The following RBMS3 variants were observed in gnomAD, a reference collection of about 807,000 sequenced individuals.
RBMS3 encodes RNA binding motif single stranded interacting protein 3.
RBMS3 carries 27 observed loss-of-function variants against 66.8 expected under a neutral mutation model. The ratio of observed to expected loss-of-function variants is 0.40; its 90% CI spans 0.30 to 0.56. RBMS3 has a LOEUF of 0.56. RBMS3 is among the 20% of genes least tolerant of loss of function. The pLI, the probability that RBMS3 is intolerant of heterozygous loss-of-function variation, is 0.40. For missense variants in RBMS3, 513 were observed against 549.5 expected (o/e 0.93, Z 0.66); for synonymous variants, 188 against 183.0 (o/e 1.03, Z -0.22).
At chr3:29,324,761 T>C (rs1174478451) in intron 1 of RBMS3, among the ~76,000 whole-genome samples, 1 of 152,128 alleles carries the variant, frequency 6.6e-6, no homozygotes, top group Non-Finnish European at 1.5e-5. Flanking sequence ...CTCTCCTTTT[T>C]CTTTTTCTCT....
At chr3:29,285,157 A>G (rs1419284909) in intron 1 of RBMS3, among the ~76,000 whole-genome samples, 2 of 149,536 alleles carry the variant, frequency 1.3e-5, no homozygotes, top group African/African-American at 4.9e-5. Context: ...CTTTCCAAAA[A>G]AAAAACAACC....
intron 12 of RBMS3, among the ~76,000 whole-genome samples, chr3:29,981,494 CCTTGT>C (rs1374154682): frequency 9.9e-5 from 15 of 152,120 alleles, no homozygotes; most frequent in African/African-American, 3.6e-4. Context: ...GAGAGGGCAT[CCTTGT>C]CTTGTGCTTG....
chr3:29,913,139 GGT>G (rs1222230188), intron 10 of RBMS3, among the ~76,000 whole-genome samples: 2 of 152,074 alleles, frequency 1.3e-5, no homozygotes, highest in East Asian at 3.9e-4. Flanking sequence ...AGATGAATCA[GGT>G]GTAAAATGTA....
At chr3:29,966,289 A>G (rs1315939338) in intron 12 of RBMS3, among the ~76,000 whole-genome samples, 2 of 152,144 alleles carry the variant, frequency 1.3e-5, no homozygotes, top group Non-Finnish European at 2.9e-5. Context: ...GTGGAATTTG[A>G]ATACTGCTTT....
chr3:29,863,223 G>C (rs116777115), intron 6 of RBMS3, among the ~76,000 whole-genome samples: 4,136 of 150,856 alleles, frequency 0.027, 73 homozygotes, highest in Non-Finnish European at 0.041. Context: ...GTTGTGGGGT[G>C]GGGGGAGAGG....
intron 12 of RBMS3, among the ~76,000 whole-genome samples, chr3:29,960,442 C>T (rs1471346347): frequency 2.6e-5 from 4 of 152,142 alleles, no homozygotes; most frequent in Non-Finnish European, 5.9e-5. Context: ...TTTCCAGGTA[C>T]ACAGTGCAAG....
intron 3 of RBMS3, among the ~76,000 whole-genome samples, chr3:29,536,160 A>T (rs919985733): frequency 6.6e-6 from 1 of 152,152 alleles, no homozygotes; most frequent in African/African-American, 2.4e-5. Flanking sequence ...TAAGTAAAAA[A>T]TGTCTGGGAA....
chr3:29,616,576 C>T (rs2048681969), intron 4 of RBMS3: 1 of 152,340 alleles, frequency 6.6e-6, no homozygotes, highest in Admixed American at 6.6e-5. Flanking sequence ...GTGGATATTT[C>T]TGTCACCCCC....
intron 13 of RBMS3, among the ~76,000 whole-genome samples, chr3:29,990,418 G>T (rs1354779460): frequency 1.5e-5 from 2 of 134,866 alleles, no homozygotes; most frequent in Non-Finnish European, 3.1e-5. Flanking sequence ...TCCTGATTGT[G>T]ACCAATTCCG....
chr3:29,426,162 C>T (rs985462762), intron 1 of RBMS3, among the ~76,000 whole-genome samples: 1 of 152,052 alleles, frequency 6.6e-6, no homozygotes, highest in Non-Finnish European at 1.5e-5. Context: ...ACTGCAATGT[C>T]TGAAGTATAT....
chr3:29,361,994 C>T (rs2037621960), intron 1 of RBMS3, among the ~76,000 whole-genome samples: 1 of 152,188 alleles, frequency 6.6e-6, no homozygotes, highest in South Asian at 2.1e-4. Flanking sequence ...TGGGTTTGAA[C>T]TTCCTTCTTT....
intron 1 of RBMS3, among the ~76,000 whole-genome samples, chr3:29,333,109 G>T (rs573414875): frequency 2.0e-5 from 3 of 151,970 alleles, no homozygotes; most frequent in Non-Finnish European, 2.9e-5. Context: ...TCTTAAATTT[G>T]TATATGTGTG....
chr3:29,488,368 T>C, intron 2 of RBMS3, 73 bp from the exon 3 acceptor site: 4 of 1,299,976 alleles, frequency 3.1e-6, no homozygotes, highest in Non-Finnish European at 3.3e-6. Flanking sequence ...TGTGCCCCGA[T>C]GTTCATTAGA....
chr3:29,623,429 A>G (rs1248965669), intron 4 of RBMS3, among the ~76,000 whole-genome samples: 3 of 150,252 alleles, frequency 2.0e-5, no homozygotes, highest in Non-Finnish European at 4.4e-5. Flanking sequence ...CGTCTCTACT[A>G]AAAATACAAA....
intron 10 of RBMS3, among the ~76,000 whole-genome samples, chr3:29,907,077 G>A (rs1360067161): frequency 6.6e-6 from 1 of 152,044 alleles, no homozygotes; most frequent in Non-Finnish European, 1.5e-5. Context: ...TGGTTATTGG[G>A]TCATTTAAGG....
intron 3 of RBMS3, among the ~76,000 whole-genome samples, chr3:29,489,033 T>C: frequency 6.6e-6 from 1 of 152,196 alleles, no homozygotes; most frequent in East Asian, 1.9e-4. Flanking sequence ...GTCATTGGAC[T>C]ATATCTGTGG....
intron 4 of RBMS3, among the ~76,000 whole-genome samples, chr3:29,640,481 T>C (rs1189401155): frequency 7.3e-6 from 1 of 137,818 alleles, no homozygotes; most frequent in Non-Finnish European, 1.6e-5. Context: ...TAAAATTCTA[T>C]AGGACCAAGA....
intron 3 of RBMS3, among the ~76,000 whole-genome samples, chr3:29,532,436 G>T (rs1380077047): frequency 6.6e-6 from 1 of 151,600 alleles, no homozygotes; most frequent in African/African-American, 2.4e-5. Flanking sequence ...TTTCCTCCTT[G>T]CCAACACTGT....
In RBMS3 at chr3:29,865,197, C is replaced by A. The variant is rs953932251; in HGVS notation, c.638-3661C>A. ...CCAGACTTCAAACCCAGGAAGCTGGCACCCTTAACAATTAAGTGCCCCCAA... is the reference window on the plus strand; with the variant it reads ...CCAGACTTCAAACCCAGGAAGCTGGAACCCTTAACAATTAAGTGCCCCCAA... On this transcript the variant is annotated intron_variant, in intron 6 of 14. Coordinates refer to ENST00000383767, the MANE Select transcript of RBMS3 (RefSeq NM_001003793.3). Among the ~76,000 whole-genome samples, 22 of 152,174 alleles carry A rather than the reference C, an allele frequency of 1.4e-4. 1 individual carries two copies. Among genetic ancestry groups the A allele is most frequent in the East Asian group, 1.4e-3 (7 of 5,154 alleles).
Sources: allele counts gnomAD v4.1 joint callset (sites outside exome capture counted in the v4.1 genomes callset), GRCh38; gene constraint gnomAD v4.1.1; transcripts MANE v1.5; gene names NCBI Gene and HGNC (gene_info 2026-07-23, HGNC 2026-07-21).